BMPR1B: variants seen among roughly 807,000 people sequenced by gnomAD.
BMPR1B encodes the protein bone morphogenetic protein receptor type-1B.
In BMPR1B, 12 loss-of-function variants were observed where a neutral mutation model predicts 59.1. The observed-to-expected ratio is 0.20, with a 90% confidence interval of 0.13 to 0.33. BMPR1B has a LOEUF of 0.33. Among genes scored for constraint, BMPR1B ranks in the 10% least tolerant of loss-of-function variants. The pLI is 1.00. For synonymous variants in BMPR1B, 237 were observed against 207.3 expected (o/e 1.14, Z -1.23); for missense variants, 550 against 610.9 (o/e 0.90, Z 1.05).
intron 3 of BMPR1B, among the ~76,000 whole-genome samples, chr4:95,058,178 T>C (rs1727073278): frequency 6.6e-6 from 1 of 152,220 alleles, no homozygotes; most frequent in Non-Finnish European, 1.5e-5. Context: ...GCATTTATGA[T>C]TTCTGAACAG....
At chr4:94,987,182 A>G (rs903636747) in intron 2 of BMPR1B, among the ~76,000 whole-genome samples, 1 of 126,364 alleles carries the variant, frequency 7.9e-6, no homozygotes, top group Admixed American at 8.3e-5. Context: ...GTAATATACT[A>G]TATATAATAT....
intron 1 of BMPR1B, among the ~76,000 whole-genome samples, chr4:94,820,557 C>T (rs1241427457): frequency 6.6e-6 from 1 of 152,142 alleles, no homozygotes; most frequent in Non-Finnish European, 1.5e-5. Context: ...ATGTTTTTCT[C>T]ATAAAGATAT....
intron 1 of BMPR1B, among the ~76,000 whole-genome samples, chr4:94,798,313 G>T (rs1470608413): frequency 1.3e-5 from 2 of 152,218 alleles, no homozygotes; most frequent in African/African-American, 4.8e-5. Context: ...GTAAAAGTTG[G>T]TGCTGACTGT....
intron 2 of BMPR1B, among the ~76,000 whole-genome samples, chr4:94,920,323 ATTCT>A (rs373233044): frequency 6.6e-6 from 1 of 152,272 alleles, no homozygotes; most frequent in African/African-American, 2.4e-5. Context: ...TTACTTTCTG[ATTCT>A]TTTTATTGAA....
intron 3 of BMPR1B, among the ~76,000 whole-genome samples, chr4:95,082,197 C>T (rs1729207510): frequency 7.5e-6 from 1 of 132,972 alleles, no homozygotes; most frequent in African/African-American, 2.7e-5. Flanking sequence ...TTGAATTATA[C>T]ATTTTTTAAC....
At chr4:95,114,916 A>C in intron 5 of BMPR1B, 94 bp downstream of exon 5, 1 of 1,200,000 alleles carries the variant, frequency 8.3e-7, no homozygotes, top group Middle Eastern at 2.2e-4. Context: ...TGGCCAGCCC[A>C]TTTTTAGTAT....
chr4:94,997,926 A>C (rs1046581893), intron 3 of BMPR1B, among the ~76,000 whole-genome samples: 1 of 151,944 alleles, frequency 6.6e-6, no homozygotes, highest in African/African-American at 2.4e-5. Flanking sequence ...TTTTGTTTTT[A>C]TTCCTTCTGG....
chr4:95,061,563 G>T (rs890252147), intron 3 of BMPR1B, among the ~76,000 whole-genome samples: 1 of 152,126 alleles, frequency 6.6e-6, no homozygotes, highest in African/African-American at 2.4e-5. Context: ...AAAAAGACCT[G>T]GTTAATTTTT....
At chr4:94,833,432 G>A (rs1724680366) in intron 1 of BMPR1B, among the ~76,000 whole-genome samples, 1 of 152,040 alleles carries the variant, frequency 6.6e-6, no homozygotes, top group African/African-American at 2.4e-5. Context: ...GCCACTACTT[G>A]TTTTCCACAC....
chr4:94,991,524 C>T (rs891778275), intron 2 of BMPR1B, among the ~76,000 whole-genome samples: 1 of 152,130 alleles, frequency 6.6e-6, no homozygotes, highest in Non-Finnish European at 1.5e-5. Flanking sequence ...TGAGAAGGTG[C>T]ACTTTGAACA....
intron 2 of BMPR1B, among the ~76,000 whole-genome samples, chr4:94,900,831 C>A (rs1727782896): frequency 6.6e-6 from 1 of 152,016 alleles, no homozygotes; most frequent in East Asian, 1.9e-4. Context: ...ACATAGTCCT[C>A]ACCCATATCT....
At position 94,769,046 on chromosome 4, in the gene BMPR1B, A is replaced by C. The variant is rs1241624256; in HGVS notation, c.-183+10978A>C. Among the ~76,000 whole-genome samples the C allele has an allele frequency of 3.9e-5, 6 of 152,274 alleles. No homozygotes were observed. In the South Asian group the frequency reaches 1.2e-3, roughly 32 times the overall value. ...TTATACTTGTGGTTTGAAAGCTGTTATGCATTCTTAAACATTTTTCTTCAA... is the reference window on the plus strand; with the variant it reads ...TTATACTTGTGGTTTGAAAGCTGTTCTGCATTCTTAAACATTTTTCTTCAA... On this transcript the variant is annotated intron_variant, in intron 1 of 12. Coordinates refer to ENST00000515059, the MANE Select transcript of BMPR1B (RefSeq NM_001203.3).
intron 3 of BMPR1B, among the ~76,000 whole-genome samples, chr4:95,063,518 A>G (rs754073598): frequency 5.9e-5 from 9 of 152,192 alleles, no homozygotes; most frequent in Non-Finnish European, 1.3e-4. Context: ...CACAGAGTTA[A>G]TACATGGTAC....
At chr4:94,988,523 A>G (rs900394145) in intron 2 of BMPR1B, among the ~76,000 whole-genome samples, 12 of 152,172 alleles carry the variant, frequency 7.9e-5, no homozygotes, top group African/African-American at 2.9e-4. Context: ...GGTTTATGTG[A>G]TGTCATATAA....
intron 2 of BMPR1B, among the ~76,000 whole-genome samples, chr4:94,897,074 TG>T (rs1292774870): frequency 6.6e-6 from 1 of 151,854 alleles, no homozygotes; most frequent in Non-Finnish European, 1.5e-5. Context: ...CCAGTCAGAG[TG>T]GGTTTGAGGC....
rs576352842 is a variant in BMPR1B, at chr4:95,102,543, C to G, written c.-17-1865C>G. 7.9e-5 allele frequency among the ~76,000 whole-genome samples: 12 copies of G among 152,248 alleles called. No individual in the cohort carries two copies. The East Asian group carries it at 2.3e-3, about 29-fold the overall frequency. ...TACTCTATTTTTATTACTTGGTCTA[C>G]TGAGGTGACTCAGGTCATAAAGGCA... On this transcript the variant is annotated intron_variant, in intron 3 of 12. Transcript: ENST00000515059.
chr4:94,816,444 A>G lies in BMPR1B; in HGVS notation c.-183+58376A>G, dbSNP rs186881659. ...CTTGCAAAGTGCTAGGATTACAGGC[A>G]TGAGCCACTGCACCCGGCCTTATGC... On this transcript the variant is annotated intron_variant, in intron 1 of 12. Coordinates refer to ENST00000515059, the MANE Select transcript of BMPR1B (RefSeq NM_001203.3). Among the ~76,000 whole-genome samples, 6 of 152,276 alleles carry G rather than the reference A, an allele frequency of 3.9e-5. No homozygotes were observed. In the East Asian group the frequency reaches 9.7e-4, roughly 25 times the overall value.
chr4:95,027,132 C>T (rs1724484694), intron 3 of BMPR1B, among the ~76,000 whole-genome samples: 1 of 152,048 alleles, frequency 6.6e-6, no homozygotes, highest in South Asian at 2.1e-4. Flanking sequence ...CTCTAAGGCC[C>T]ACTTAAAAAT....
At chr4:94,783,842 T>C (rs1221443372) in intron 1 of BMPR1B, among the ~76,000 whole-genome samples, 1 of 152,172 alleles carries the variant, frequency 6.6e-6, no homozygotes. Flanking sequence ...GTAGCCGTTG[T>C]AGTTTAGAGC....
Sources: allele counts gnomAD v4.1 joint callset (sites outside exome capture counted in the v4.1 genomes callset), GRCh38; gene constraint gnomAD v4.1.1; transcripts MANE v1.5; gene names NCBI Gene and HGNC (gene_info 2026-07-23, HGNC 2026-07-21).